TMEM212: variants seen among roughly 807,000 people sequenced by gnomAD.
TMEM212 encodes transmembrane protein 212.
TMEM212 carries 23 observed loss-of-function variants against 20.5 expected under a neutral mutation model. The ratio of observed to expected loss-of-function variants is 1.12; its 90% CI spans 0.81 to 1.59. The LOEUF is 1.59. Ranked by LOEUF, TMEM212 falls within the 40% of genes most tolerant of loss-of-function variation. The probability of loss-of-function intolerance (pLI) is 0.00; values close to 1 mark genes in which losing one functional copy is unlikely to be tolerated. For missense variants in TMEM212, 211 were observed against 215.0 expected (o/e 0.98, Z 0.12); for synonymous variants, 76 against 81.6 (o/e 0.93, Z 0.37).
rs1725037802 is a variant in TMEM212, at chr3:171,853,554, C to G, written c.247C>G (p.Leu83Val). 1.3e-6 allele frequency: 2 copies of G among 1,536,816 alleles called. No individual in the cohort carries two copies. Among genetic ancestry groups the G allele is most frequent in the Admixed American group, 3.9e-5 (2 of 50,964 alleles). ...LGEATFTFVILSIMGCPLHFA... is the reference protein window; with the variant it reads ...LGEATFTFVIVSIMGCPLHFA... Reference sequence around the variant, plus strand: ...GGAAGCTACTTTCACCTTTGTGATTCTGAGCATTATGGGATGTCCACTTCA... The same window carrying G: ...GGAAGCTACTTTCACCTTTGTGATTGTGAGCATTATGGGATGTCCACTTCA... Residue 83 changes from leucine (L) to valine (V), a missense_variant, in exon 3 of 5, where the codon CTG (leucine) becomes GTG (valine). Transcript: ENST00000334567.
At chr3:171,857,955 A>G (rs1245224333) in intron 4 of TMEM212, 106 bp from the exon 5 acceptor site, 1 of 152,130 alleles carries the variant, frequency 6.6e-6, no homozygotes, top group Non-Finnish European at 1.5e-5. Context: ...GGGAATATAA[A>G]TTGGCATAGC....
chr3:171,853,275 T>A (rs890720914), intron 2 of TMEM212, among the ~76,000 whole-genome samples: 5 of 151,334 alleles, frequency 3.3e-5, no homozygotes, highest in Non-Finnish European at 7.4e-5. Context: ...TGTTAACCTA[T>A]GTGACAAACC....
intron 2 of TMEM212, 34 bp from the exon 3 acceptor site, chr3:171,853,491 TCC>T: frequency 5.3e-6 from 8 of 1,506,146 alleles, no homozygotes; most frequent in Non-Finnish European, 7.1e-6. Context: ...AATATTTTGT[TCC>T]CAAAGTAACA....
chr3:171,845,367 A>G (rs1284678429), intron 1 of TMEM212, among the ~76,000 whole-genome samples: 1 of 152,220 alleles, frequency 6.6e-6, no homozygotes, highest in Non-Finnish European at 1.5e-5. Context: ...CTTACCCTCT[A>G]TGTGAAACAT....
At chr3:171,856,225 A>G (rs1725113643) in intron 3 of TMEM212, among the ~76,000 whole-genome samples, 1 of 152,234 alleles carries the variant, frequency 6.6e-6, no homozygotes, top group African/African-American at 2.4e-5. Context: ...CACTTTAAGG[A>G]CAAAATTCTT....
chr3:171,847,842 AG>A (rs144294562), intron 1 of TMEM212, among the ~76,000 whole-genome samples: 7 of 151,804 alleles, frequency 4.6e-5, no homozygotes, highest in African/African-American at 1.5e-4. Context: ...TATTGAGACT[AG>A]GGGGGGTTCT....
intron 3 of TMEM212, among the ~76,000 whole-genome samples, chr3:171,854,066 A>G (rs1725056225): frequency 6.6e-6 from 1 of 152,188 alleles, no homozygotes; most frequent in Admixed American, 6.6e-5. Flanking sequence ...GGCCGTAGGT[A>G]GCACCAGCCA....
Position 171,859,155 on chromosome 3 carries a change from T to G in TMEM212, c.*1098T>G, listed in dbSNP as rs948851900. 7 of 151,864 alleles carry G rather than the reference T, an allele frequency of 4.6e-5. No homozygotes were observed. The highest frequency in any genetic ancestry group is 1.7e-4 in the African/African-American group (7 of 41,312). The allele number at this position is 151,864 out of a possible 1,614,324, so 9.4% of individuals were successfully genotyped here. A position where few individuals can be genotyped will look rare whatever the true frequency, so the allele number is the denominator to read the frequency against. ...TCACACACTGGGGCCTTTCAGTGGGTGGGAGGCTGGGGGAGGGATAGCATT... is the reference window on the plus strand; with the variant it reads ...TCACACACTGGGGCCTTTCAGTGGGGGGGAGGCTGGGGGAGGGATAGCATT... On this transcript the variant is annotated 3_prime_UTR_variant, in exon 5 of 5. Transcript: ENST00000334567.
intron 4 of TMEM212, 149 bp downstream of exon 4, chr3:171,856,856 A>C (rs2108383275): frequency 2.3e-6 from 1 of 426,130 alleles, no homozygotes; most frequent in South Asian, 6.8e-5. Context: ...TGGGTACTGC[A>C]TCTGACTGGG....
chr3:171,844,641 GT>G (rs1330631287), intron 1 of TMEM212, among the ~76,000 whole-genome samples: 1 of 152,090 alleles, frequency 6.6e-6, no homozygotes, highest in African/African-American at 2.4e-5. Context: ...GGGAGGCAGA[GT>G]TTGCAGTGAG....
chr3:171,857,186 T>C (rs370153709), intron 4 of TMEM212, among the ~76,000 whole-genome samples: 162 of 152,042 alleles, frequency 1.1e-3, no homozygotes, highest in African/African-American at 3.8e-3. Flanking sequence ...GAAATAATGG[T>C]GCCCAAAAGA....
intron 1 of TMEM212, 46 bp from the exon 2 acceptor site, chr3:171,851,936 G>T: frequency 1.3e-6 from 2 of 1,498,124 alleles, no homozygotes; most frequent in Non-Finnish European, 1.8e-6. Flanking sequence ...TCTTTCCAGA[G>T]GTACCTTCTG....
chr3:171,857,527 A>G (rs2108383515), intron 4 of TMEM212, among the ~76,000 whole-genome samples: 3 of 152,334 alleles, frequency 2.0e-5, no homozygotes, highest in Middle Eastern at 6.8e-3. Flanking sequence ...ACATGCTACC[A>G]AAGCAGAAAT....
chr3:171,850,528 G>C (rs928646576), intron 1 of TMEM212, among the ~76,000 whole-genome samples: 1 of 152,202 alleles, frequency 6.6e-6, no homozygotes, highest in Non-Finnish European at 1.5e-5. Flanking sequence ...TTGCTTATCT[G>C]GCTTCAGTGT....
intron 2 of TMEM212, among the ~76,000 whole-genome samples, chr3:171,852,364 C>A (rs1724996903): frequency 6.6e-6 from 1 of 152,112 alleles, no homozygotes; most frequent in Non-Finnish European, 1.5e-5. Flanking sequence ...CCATGCCCAG[C>A]TAATTTTTGT....
intron 3 of TMEM212, among the ~76,000 whole-genome samples, chr3:171,855,098 T>C (rs1725082515): frequency 6.6e-6 from 1 of 152,216 alleles, no homozygotes; most frequent in Non-Finnish European, 1.5e-5. Flanking sequence ...AACAAGATTT[T>C]ATTACAAATA....
In TMEM212 at chr3:171,858,545, T is replaced by C. The variant is rs1725169613; in HGVS notation, c.*488T>C. ...TTCATGACTAAAACACCAAAAGCAA[T>C]GGCAACAAAAGCCAAAATAGACAAA... On this transcript the variant is annotated 3_prime_UTR_variant, in exon 5 of 5. Coordinates refer to ENST00000334567, the MANE Select transcript of TMEM212 (RefSeq NM_001164436.2). The C allele has an allele frequency of 6.6e-6, 1 of 152,176 alleles. No homozygotes were observed. Among genetic ancestry groups the C allele is most frequent in the Non-Finnish European group, 1.5e-5 (1 of 68,020 alleles). The allele number at this position is 152,176 out of a possible 1,614,324, so 9.4% of individuals were successfully genotyped here.
At chr3:171,852,302 G>A (rs949031157) in intron 2 of TMEM212, among the ~76,000 whole-genome samples, 2 of 151,952 alleles carry the variant, frequency 1.3e-5, no homozygotes, top group African/African-American at 4.8e-5. Context: ...CCAGGTTCAA[G>A]TGATTCTCCT....
Position 171,853,710 on chromosome 3 carries a change from T to G in TMEM212, c.403T>G (p.Cys135Gly), listed in dbSNP as rs1230629315. The G allele has an allele frequency of 9.1e-6, 14 of 1,537,422 alleles. No homozygotes were observed. Among genetic ancestry groups the G allele is most frequent in the African/African-American group, 1.4e-5 (1 of 73,036 alleles). The stretch of plus-strand genomic sequence containing the variant: ...TCCATATGCAAAATTCCCATTAGCC[T>G]GTGTGGACCCACCACACTACGAAGA... ...PYPYAKFPLA[C>G]VDPPHYEEYH... is the part of the protein sequence containing the mutation. Residue 135 changes from cysteine (C) to glycine (G), a missense_variant, in exon 3 of 5, where the codon TGT becomes GGT. By Grantham distance (159) the Cys-to-Gly change is radical. Transcript: ENST00000334567.
Sources: gnomAD v4.1 joint callset for allele counts (sites outside exome capture counted in the v4.1 genomes callset) on GRCh38, gnomAD v4.1.1 for gene constraint, MANE v1.5 for transcripts, NCBI Gene and HGNC (gene_info 2026-07-23, HGNC 2026-07-21) for gene names.